Variants in SMC1B observed in about 807,000 individuals in gnomAD.
SMC1B encodes structural maintenance of chromosomes protein 1B.
A neutral mutation model predicts 157.9 loss-of-function variants in SMC1B; 60 were observed. The observed-to-expected ratio is 0.38, with a 90% CI of 0.31 to 0.47. SMC1B has a LOEUF of 0.47. SMC1B is among the 20% of genes least tolerant of loss of function. The pLI is 0.99. For synonymous variants in SMC1B, 445 were observed against 483.0 expected, an observed-to-expected ratio of 0.92 and a Z score of 1.03; for missense variants, 1,165 against 1,426.2, an observed-to-expected ratio of 0.82 and a Z score of 2.95.
Position 45,413,567 on chromosome 22 carries a change from TG to T in SMC1B, c.-1del. ...ACAAGCAGCAGCTCCAGGTGGGCCA[TG>T]GCGCCGCCCTCCACGCCTCACCCGC... On this transcript the variant is annotated 5_prime_UTR_variant, in exon 1 of 25. Transcript: ENST00000357450. 6.2e-7 allele frequency: 1 copy of T among 1,601,256 alleles called. No homozygotes were observed.
intron 2 of SMC1B, 146 bp downstream of exon 2, chr22:45,408,564 C>T (rs1389774648): frequency 7.5e-6 from 4 of 529,836 alleles, no homozygotes; most frequent in African/African-American, 6.0e-5. Context: ...CTGTTACTTG[C>T]TTCTGAGATA....
chr22:45,359,325 C>G (rs2086699004), intron 18 of SMC1B, among the ~76,000 whole-genome samples: 1 of 152,098 alleles, frequency 6.6e-6, no homozygotes. Context: ...GAAAAAAGGC[C>G]AACAGGGAAA....
intron 1 of SMC1B, among the ~76,000 whole-genome samples, chr22:45,412,706 C>T (rs2087358064): frequency 6.6e-6 from 1 of 152,024 alleles, no homozygotes; most frequent in East Asian, 1.9e-4. Context: ...CTCCGCAGGT[C>T]CTCTGGCCTC....
chr22:45,383,763 C>T, intron 11 of SMC1B, 150 bp from the exon 12 acceptor site: 2 of 616,218 alleles, frequency 3.2e-6, no homozygotes, highest in Non-Finnish European at 5.1e-6. Context: ...TATGAAGAGA[C>T]CCCAAACAAT....
intron 12 of SMC1B, among the ~76,000 whole-genome samples, chr22:45,379,804 C>T (rs985181435): frequency 4.5e-5 from 6 of 132,790 alleles, no homozygotes; most frequent in African/African-American, 1.8e-4. Context: ...GCAATCTGGG[C>T]TCCCTGCAAC....
chr22:45,368,943 G>T (rs1364824644), intron 15 of SMC1B, among the ~76,000 whole-genome samples: 1 of 152,102 alleles, frequency 6.6e-6, no homozygotes. Context: ...GCAATGGGGT[G>T]GGTAGGAAGC....
chr22:45,347,596 GC>G (rs2086565313), intron 23 of SMC1B, among the ~76,000 whole-genome samples: 1 of 152,048 alleles, frequency 6.6e-6, no homozygotes, highest in African/African-American at 2.4e-5. Flanking sequence ...AAACCAGAAT[GC>G]CAATTTATTT....
rs546232918 is a variant in SMC1B at position 45,394,171 on chromosome 22, A to G, written c.1338-330T>C. Among the ~76,000 whole-genome samples the G allele has an allele frequency of 5.3e-5, 8 of 152,062 alleles. No homozygotes were observed. In the East Asian group the frequency reaches 1.5e-3, roughly 29 times the overall value. On this transcript the variant is annotated intron_variant, in intron 8 of 24. Transcript: ENST00000357450. ...CCTGTCTCTACAAAATACAAAAAAA[A>G]AAAATTAGCCAGGTGTGGTGGCACA...
intron 9 of SMC1B, among the ~76,000 whole-genome samples, chr22:45,390,984 T>G (rs2087051775): frequency 6.6e-6 from 1 of 152,158 alleles, no homozygotes; most frequent in African/African-American, 2.4e-5. Context: ...CTTTTTCTTC[T>G]CCATTAATTT....
chr22:45,389,986 G>A (rs2087039202), intron 9 of SMC1B, 89 bp from the exon 10 acceptor site: 3 of 1,074,530 alleles, frequency 2.8e-6, no homozygotes, highest in Non-Finnish European at 1.3e-6. Context: ...AAGTAGCGCA[G>A]ACAAAAACTA....
At chr22:45,371,090 G>C (rs1318968010) in intron 14 of SMC1B, among the ~76,000 whole-genome samples, 2 of 152,136 alleles carry the variant, frequency 1.3e-5, no homozygotes, top group Admixed American at 6.5e-5. Context: ...TACTGTGCCT[G>C]ACACAGAATA....
intron 10 of SMC1B, 58 bp from the exon 11 acceptor site, chr22:45,387,104 C>G: frequency 1.4e-6 from 2 of 1,380,928 alleles, no homozygotes; most frequent in Non-Finnish European, 2.0e-6. Context: ...ACCAAATGTT[C>G]ATTATATTCT....
At chr22:45,404,117 T>C (rs1205388036) in intron 4 of SMC1B, among the ~76,000 whole-genome samples, 1 of 152,130 alleles carries the variant, frequency 6.6e-6, no homozygotes, top group African/African-American at 2.4e-5. Context: ...AATTTTTGTA[T>C]TTTTAGTAAA....
At chr22:45,350,692 T>A (rs2086606302) in intron 22 of SMC1B, among the ~76,000 whole-genome samples, 2 of 152,194 alleles carry the variant, frequency 1.3e-5, no homozygotes, top group Admixed American at 1.3e-4. Context: ...CCTCCAAACA[T>A]GTTCCCTCCT....
At chr22:45,356,657 C>A (rs2146768988) in intron 19 of SMC1B, among the ~76,000 whole-genome samples, 1 of 152,030 alleles carries the variant, frequency 6.6e-6, no homozygotes, top group South Asian at 2.1e-4. Flanking sequence ...CAGCACTTTA[C>A]CATAAGATGA....
intron 14 of SMC1B, 48 bp downstream of exon 14, chr22:45,371,423 G>A: frequency 1.3e-6 from 2 of 1,506,790 alleles, no homozygotes; most frequent in East Asian, 2.5e-5. Context: ...TCTAGTATCT[G>A]GTCTAGAACT....
At chr22:45,352,071 A>G (rs5765273) in intron 22 of SMC1B, among the ~76,000 whole-genome samples, 57,557 of 152,016 alleles carry the variant, frequency 0.38, 13,418 homozygotes, top group Non-Finnish European at 0.52. Context: ...GCTATTGATA[A>G]TAACAGAAAT....
At chr22:45,386,670 A>G (rs928215390) in intron 11 of SMC1B, among the ~76,000 whole-genome samples, 197 bp downstream of exon 11, 1 of 152,182 alleles carries the variant, frequency 6.6e-6, no homozygotes, top group Non-Finnish European at 1.5e-5. Flanking sequence ...GAAATGCTAT[A>G]AGAGTTTTTT....
At chr22:45,404,805 T>C (rs1291973222) in intron 4 of SMC1B, among the ~76,000 whole-genome samples, 1 of 152,232 alleles carries the variant, frequency 6.6e-6, no homozygotes, top group African/African-American at 2.4e-5. Flanking sequence ...CCCAACCACC[T>C]TGGGCACATG....
Sources: gnomAD v4.1 joint callset for allele counts (sites outside exome capture counted in the v4.1 genomes callset) on GRCh38, gnomAD v4.1.1 for gene constraint, MANE v1.5 for transcripts, NCBI Gene and HGNC (gene_info 2026-07-23, HGNC 2026-07-21) for gene names.